CUL4A: variants seen among roughly 807,000 people sequenced by gnomAD.
The protein encoded by CUL4A is cullin-4A.
A neutral mutation model predicts 95.5 loss-of-function variants in CUL4A; 16 were observed. That is an observed-to-expected ratio of 0.17 (90% confidence interval 0.11 to 0.25). The LOEUF (loss-of-function observed/expected upper bound fraction) is 0.25. Among genes scored for constraint, CUL4A ranks in the 10% least tolerant of loss-of-function variants. The pLI, the probability that CUL4A is intolerant of heterozygous loss-of-function variation, is 1.00. For synonymous variants in CUL4A, 380 were observed against 353.1 expected, an observed-to-expected ratio of 1.08 and a Z score of -0.85; for missense variants, 610 against 937.0, an observed-to-expected ratio of 0.65 and a Z score of 4.56.
intron 2 of CUL4A, among the ~76,000 whole-genome samples, chr13:113,217,019 G>A (rs1471200639): frequency 6.6e-6 from 1 of 152,226 alleles, no homozygotes; most frequent in Admixed American, 6.5e-5. Context: ...ATAGGAGGCA[G>A]AGTGGGTTAT....
rs530928343 is a variant in CUL4A at position 113,230,779 on chromosome 13, A to AG, written c.512+1260_512+1261insG. Among the ~76,000 whole-genome samples the AG allele has an allele frequency of 1.7e-3, 252 of 147,706 alleles. 1 individual carries two copies. The highest frequency in any genetic ancestry group is 4.3e-3 in the East Asian group (21 of 4,866). On this transcript the variant is annotated intron_variant, in intron 5 of 19. Coordinates refer to ENST00000375440, the MANE Select transcript of CUL4A (RefSeq NM_001008895.4). ...TTCAAAAATTATTATTATTATTATT[A>AG]TTATTTTTAGAGACAGGGTCTCACT...
Position 113,257,061 on chromosome 13 carries a change from A to C in CUL4A, c.2031+1936A>C, listed in dbSNP as rs1275099790. Among the ~76,000 whole-genome samples the C allele has an allele frequency of 3.4e-5, 5 of 148,262 alleles. No homozygotes were observed. The East Asian group carries it at 6.1e-4, about 18-fold the overall frequency. On this transcript the variant is annotated intron_variant, in intron 18 of 19. Transcript: ENST00000375440. ...TGTCTCAGCCTCTCGAGTAGCTGGG[A>C]CTACAGGCATGTGCCACCACACTCA...
chr13:113,215,677 A>G (rs1567012642), intron 2 of CUL4A, among the ~76,000 whole-genome samples: 1 of 145,382 alleles, frequency 6.9e-6, no homozygotes, highest in Non-Finnish European at 1.5e-5. Flanking sequence ...TCTCTGTGTG[A>G]CTATGGAGGT....
rs141467408 is a variant in CUL4A, at chr13:113,257,300, A to C, written c.2031+2175A>C. Among the ~76,000 whole-genome samples the C allele has an allele frequency of 3.9e-5, 6 of 152,190 alleles. No individual in the cohort carries two copies. In the East Asian group the frequency reaches 1.2e-3, roughly 29 times the overall value. On this transcript the variant is annotated intron_variant, in intron 18 of 19. Coordinates refer to ENST00000375440, the MANE Select transcript of CUL4A (RefSeq NM_001008895.4). ...TCACATAACAGTTTTTAAGTTCTCAAATATAGTCTCCTTTTCTTTTATGGT... is the reference window on the plus strand; with the variant it reads ...TCACATAACAGTTTTTAAGTTCTCACATATAGTCTCCTTTTCTTTTATGGT...
Position 113,254,971 on chromosome 13 carries a change from G to A in CUL4A, c.1877G>A (p.Arg626Lys), listed in dbSNP as rs1566370524. ...CATTCAGAGGATAGTGAATTGCGCA[G>A]AACGCTGCAGTCCCTGGCCTGTGGC... The part of the protein sequence containing the change: ...ATGIEDSELR[R>K]TLQSLACGKA... The change falls in exon 18 of 20, where the codon AGA becomes AAA. Residue 626 changes from arginine to lysine, a missense_variant. Around this residue, in one of 10 missense-constraint regions of CUL4A, gnomAD observed 72 missense variants for 93.2 expected, o/e 0.77. Coordinates refer to ENST00000375440, the MANE Select transcript of CUL4A (RefSeq NM_001008895.4). The A allele has an allele frequency of 6.2e-7, 1 of 1,613,122 alleles. No individual in the cohort carries two copies. The highest frequency in any genetic ancestry group is 8.5e-7 in the Non-Finnish European group (1 of 1,179,544).
At chr13:113,251,976 T>G (rs1335787961) in intron 15 of CUL4A, among the ~76,000 whole-genome samples, 1 of 152,120 alleles carries the variant, frequency 6.6e-6, no homozygotes, top group Non-Finnish European at 1.5e-5. Context: ...TGGTGAGCCC[T>G]TGCGTGCGCA....
In CUL4A at chr13:113,233,161, C is replaced by G. The variant is rs1307429317; in HGVS notation, c.513-16C>G. 6.2e-7 allele frequency: 1 copy of G among 1,607,552 alleles called. No individual in the cohort carries two copies. The highest frequency in any genetic ancestry group is 8.5e-7 in the Non-Finnish European group (1 of 1,176,044). ...GCGAAACTAAAATGTAGTCCTGTTT[C>G]TTACTGTCTATACAGGGATATGGGA... On this transcript the variant is annotated splice_polypyrimidine_tract_variant and intron_variant, in intron 5 of 19. Transcript: ENST00000375440.
intron 2 of CUL4A, among the ~76,000 whole-genome samples, chr13:113,218,686 G>A (rs766211337): frequency 5.9e-5 from 9 of 152,166 alleles, no homozygotes; most frequent in Admixed American, 1.3e-4. Context: ...CCTGGGACCC[G>A]AGGTCCAGCA....
intron 3 of CUL4A, among the ~76,000 whole-genome samples, chr13:113,220,761 A>G (rs957005491): frequency 6.6e-6 from 1 of 152,170 alleles, no homozygotes; most frequent in African/African-American, 2.4e-5. Context: ...CACTCACTGC[A>G]CAAGCACTTG....
rs767244032 is a variant in CUL4A at position 113,239,450 on chromosome 13, G to A, written c.934G>A (p.Asp312Asn). 3 of 1,613,926 alleles carry A rather than the reference G, an allele frequency of 1.9e-6. No individual in the cohort carries two copies. The South Asian group carries it at 3.3e-5, about 18-fold the overall frequency. The change falls in exon 10 of 20, where the codon GAT becomes AAT. Residue 312 changes from aspartate to asparagine, a missense_variant. By Grantham distance (23) the Asp-to-Asn change is conservative. Transcript: ENST00000375440. ...CATCTCAGGGCTCGACCACTTACTG[G>A]ATGAGAACAGAGTGCCGGACCTCGC... ...ILQKGLDHLL[D>N]ENRVPDLAQM...
chr13:113,232,107 CCGCCCACCACCA>C (rs1191738037), intron 5 of CUL4A, among the ~76,000 whole-genome samples: 20 of 145,900 alleles, frequency 1.4e-4, no homozygotes, highest in African/African-American at 4.9e-4. Flanking sequence ...TCACCACTAC[CCGCCCACCACCA>C]TTACTGTCAC....
chr13:113,236,935 T>TAATGAACTAAGGA, intron 9 of CUL4A, 45 bp downstream of exon 9: 1 of 1,342,670 alleles, frequency 7.4e-7, no homozygotes, highest in Non-Finnish European at 1.1e-6. Context: ...ACAATTATCC[T>TAATGAACTAAGGA]TAGTTCATTA....
chr13:113,231,783 A>G (rs1196831748), intron 5 of CUL4A, among the ~76,000 whole-genome samples: 1 of 152,238 alleles, frequency 6.6e-6, no homozygotes, highest in South Asian at 2.1e-4. Flanking sequence ...TCCTGCTCCA[A>G]CTGTGGTGAA....
chr13:113,230,059 C>T (rs1219967358), intron 5 of CUL4A: 1 of 199,792 alleles, frequency 5.0e-6, no homozygotes, highest in Non-Finnish European at 1.0e-5. Context: ...TGTGTGTCCT[C>T]TGTGGCCACC....
At chr13:113,208,598 C>G, upstream of CUL4A, 1 of 1,606,510 alleles carries the variant, frequency 6.2e-7, no homozygotes, top group South Asian at 1.1e-5. Context: ...CTAGGACCCA[C>G]CTGCTGCAGG....
At chr13:113,248,059 C>T (rs746984515) in intron 15 of CUL4A, among the ~76,000 whole-genome samples, 3 of 152,178 alleles carry the variant, frequency 2.0e-5, no homozygotes, top group African/African-American at 7.2e-5. Flanking sequence ...GTCTTGGTGA[C>T]ATTCGATAGG....
intron 3 of CUL4A, among the ~76,000 whole-genome samples, chr13:113,222,487 G>C (rs2040936426): frequency 6.6e-6 from 1 of 151,816 alleles, no homozygotes; most frequent in African/African-American, 2.4e-5. Context: ...TTGGAAGGAG[G>C]AGACACGGAT....
At chr13:113,239,645 C>T (rs1232644110) in intron 10 of CUL4A, 94 bp downstream of exon 10, 2 of 882,364 alleles carry the variant, frequency 2.3e-6, no homozygotes, top group Non-Finnish European at 1.8e-6. Context: ...GCAAAGGGAA[C>T]TGGGCTGCTG....
upstream of CUL4A, chr13:113,208,232 C>T: frequency 6.7e-7 from 1 of 1,491,044 alleles, no homozygotes; most frequent in Admixed American, 2.1e-5. Flanking sequence ...GTCCATCCGA[C>T]ACAGCACCGC....
Sources: gnomAD v4.1 joint callset for allele counts (sites outside exome capture counted in the v4.1 genomes callset) on GRCh38, gnomAD v4.1.1 for gene constraint, gnomAD v4.1.1 regional missense constraint, MANE v1.5 for transcripts, NCBI Gene and HGNC (gene_info 2026-07-23, HGNC 2026-07-21) for gene names.